The following DRC1 variants were observed in gnomAD, a reference collection of about 807,000 sequenced individuals.
DRC1 encodes dynein regulatory complex subunit 1, also known as dynein regulatory complex protein 1.
A neutral mutation model predicts 98.7 loss-of-function variants in DRC1; 74 were observed. That is an observed-to-expected ratio of 0.75 (90% confidence interval 0.62 to 0.91). The LOEUF (loss-of-function observed/expected upper bound fraction) is 0.91. Ranked by LOEUF, DRC1 falls within the 40% of genes least tolerant of loss-of-function variation. The probability of loss-of-function intolerance (pLI) is 0.00; values close to 1 mark genes in which losing one functional copy is unlikely to be tolerated. For synonymous variants in DRC1, 336 were observed against 334.1 expected, an observed-to-expected ratio of 1.01 and a Z score of -0.06; for missense variants, 875 against 886.0, an observed-to-expected ratio of 0.99 and a Z score of 0.16.
intron 4 of DRC1, among the ~76,000 whole-genome samples, chr2:26,426,374 T>A (rs908831830): frequency 6.6e-5 from 10 of 151,744 alleles, no homozygotes; most frequent in South Asian, 2.1e-4. Flanking sequence ...TTGTTTATTT[T>A]TTTTTTTTTT....
intron 5 of DRC1, 135 bp downstream of exon 5, chr2:26,429,900 T>C: frequency 1.0e-6 from 1 of 968,356 alleles, no homozygotes. Context: ...TCTCAGGTTT[T>C]ATTAATTTAT....
rs1664032608 is a variant in DRC1 at position 26,452,488 on chromosome 2, GACCTCAA to G, written c.1690-830_1690-824del. Among the ~76,000 whole-genome samples, 4 of 152,158 alleles carry G rather than the reference GACCTCAA, an allele frequency of 2.6e-5. No individual in the cohort carries two copies. The South Asian group carries it at 6.2e-4, about 24-fold the overall frequency. On this transcript the variant is annotated intron_variant, in intron 13 of 16. Coordinates refer to ENST00000288710, the MANE Select transcript of DRC1 (RefSeq NM_145038.5). ...TTGGCCAGGCTGCTCTCGAACTCCT[GACCTCAA>G]ATGATCTGCCCACCTTGGCCTCTGA...
rs1180104573 is a variant in DRC1, at chr2:26,418,694, T to A, written c.244-2594T>A. ...AATTAAATATAATTTATATTATATA[T>A]AAATTATATTTAATTTATATAATAT... On this transcript the variant is annotated intron_variant, in intron 2 of 16. Transcript: ENST00000288710. Among the ~76,000 whole-genome samples the A allele has an allele frequency of 7.4e-5, 7 of 94,780 alleles. No homozygotes were observed. In the East Asian group the frequency reaches 7.7e-4, roughly 10 times the overall value. The allele number at this position is 94,780 out of a possible 152,430, so 62.2% of individuals were successfully genotyped here. A position where few individuals can be genotyped will look rare whatever the true frequency, so the allele number is the denominator to read the frequency against.
chr2:26,410,257 T>C (rs1406506984), intron 1 of DRC1, among the ~76,000 whole-genome samples: 1 of 141,468 alleles, frequency 7.1e-6, no homozygotes, highest in African/African-American at 2.8e-5. Flanking sequence ...ATTATTATTA[T>C]TATTATTATT....
chr2:26,453,898 G>T (rs966628454), intron 14 of DRC1, among the ~76,000 whole-genome samples: 1 of 152,200 alleles, frequency 6.6e-6, no homozygotes, highest in South Asian at 2.1e-4. Context: ...TTTCCATTTG[G>T]CATGTCAGAG....
chr2:26,424,148 G>T, intron 3 of DRC1, 123 bp from the exon 4 acceptor site: 2 of 1,119,802 alleles, frequency 1.8e-6, no homozygotes, highest in East Asian at 2.4e-5. Context: ...TTTTGGGCGG[G>T]TGTGTTTGGG....
chr2:26,432,428 G>A (rs914134938), intron 7 of DRC1, among the ~76,000 whole-genome samples: 3 of 152,110 alleles, frequency 2.0e-5, no homozygotes, highest in Non-Finnish European at 2.9e-5. Flanking sequence ...GAGCCCAGGA[G>A]TTTAAGGCTA....
intron 13 of DRC1, among the ~76,000 whole-genome samples, chr2:26,452,951 T>G (rs950595052): frequency 1.3e-5 from 2 of 152,254 alleles, no homozygotes; most frequent in Admixed American, 1.3e-4. Context: ...GGAGGTCAAT[T>G]GCATGAACTG....
At chr2:26,425,824 T>C (rs1005654429) in intron 4 of DRC1, among the ~76,000 whole-genome samples, 1 of 152,230 alleles carries the variant, frequency 6.6e-6, no homozygotes, top group Non-Finnish European at 1.5e-5. Flanking sequence ...TTATCAGATA[T>C]ATGATTTTCA....
Position 26,421,296 on chromosome 2 carries a change from T to C in DRC1, c.252T>C (p.Ala84=), listed in dbSNP as rs927441613. The change falls in exon 3 of 17, where the codon GCT becomes GCC. Residue 84 remains alanine, a synonymous_variant. Coordinates refer to ENST00000288710, the MANE Select transcript of DRC1 (RefSeq NM_145038.5). Reference sequence around the variant, plus strand: ...TATATCTCTCTTTTTAGAAATTGGCTAAACTTCTGCTCTGTGGCACCGAGT... The same window carrying C: ...TATATCTCTCTTTTTAGAAATTGGCCAAACTTCTGCTCTGTGGCACCGAGT... ...KQKEESRLKL[A]KLLLCGTELV... 1 of 1,613,116 alleles carries C rather than the reference T, an allele frequency of 6.2e-7. No individual in the cohort carries two copies. Among genetic ancestry groups the C allele is most frequent in the Non-Finnish European group, 8.5e-7 (1 of 1,179,472 alleles).
chr2:26,450,539 G>C, intron 12 of DRC1, 53 bp from the exon 13 acceptor site: 2 of 1,542,928 alleles, frequency 1.3e-6, no homozygotes, highest in Non-Finnish European at 1.8e-6. Flanking sequence ...AGCTGCCCAA[G>C]CCCGTGGCCT....
At chr2:26,447,014 C>T (rs139125057) in intron 10 of DRC1, among the ~76,000 whole-genome samples, 2,646 of 151,600 alleles carry the variant, frequency 0.017, 46 homozygotes, top group Middle Eastern at 0.069. Context: ...CGCTTGAACC[C>T]GGGAGGTGGA....
intron 7 of DRC1, among the ~76,000 whole-genome samples, chr2:26,435,350 G>A (rs1018336288): frequency 6.6e-6 from 1 of 152,158 alleles, no homozygotes; most frequent in African/African-American, 2.4e-5. Flanking sequence ...AACATGAACT[G>A]CAACTTTGCA....
intron 2 of DRC1, among the ~76,000 whole-genome samples, chr2:26,416,066 G>T (rs1572356371): frequency 6.6e-6 from 1 of 152,024 alleles, no homozygotes; most frequent in African/African-American, 2.4e-5. Flanking sequence ...AAACCAAAGA[G>T]ATAATATTGT....
At chr2:26,448,911 C>T (rs1311920799) in intron 11 of DRC1, 108 bp downstream of exon 11, 7 of 1,140,290 alleles carry the variant, frequency 6.1e-6, no homozygotes, top group Non-Finnish European at 9.0e-6. Flanking sequence ...CAGTCCTCCC[C>T]TGGCCAAGCC....
chr2:26,417,422 G>T (rs1185082264), intron 2 of DRC1, among the ~76,000 whole-genome samples: 1 of 151,816 alleles, frequency 6.6e-6, no homozygotes, highest in African/African-American at 2.4e-5. Flanking sequence ...GCCGCCTCCT[G>T]GGTTCAAGTC....
chr2:26,420,407 ATCTGCCTCACTGTCATT>A (rs1663096400), intron 2 of DRC1, among the ~76,000 whole-genome samples: 1 of 151,938 alleles, frequency 6.6e-6, no homozygotes, highest in Non-Finnish European at 1.5e-5. Flanking sequence ...CACTGTCATT[ATCTGCCTCACTGTCATT>A]ACCTGCCTCA....
intron 1 of DRC1, among the ~76,000 whole-genome samples, chr2:26,403,425 T>C (rs1001037367): frequency 6.6e-6 from 1 of 152,232 alleles, no homozygotes; most frequent in African/African-American, 2.4e-5. Flanking sequence ...TGTGCTCTGC[T>C]TATTCATCCT....
At chr2:26,449,341 G>A (rs971020029) in intron 11 of DRC1, among the ~76,000 whole-genome samples, 6 of 152,266 alleles carry the variant, frequency 3.9e-5, no homozygotes, top group African/African-American at 1.4e-4. Context: ...CGGTTCTGAA[G>A]TGGGTATTCT....
Sources: allele counts gnomAD v4.1 joint callset (sites outside exome capture counted in the v4.1 genomes callset), GRCh38; gene constraint gnomAD v4.1.1; transcripts MANE v1.5; gene names NCBI Gene and HGNC (gene_info 2026-07-23, HGNC 2026-07-21).